The following ADGRL1 variants were observed in gnomAD, a reference collection of about 807,000 sequenced individuals.
ADGRL1 encodes CIRL-1.
A neutral mutation model predicts 148.9 loss-of-function variants in ADGRL1; 31 were observed. The ratio of observed to expected loss-of-function variants is 0.21; its 90% CI spans 0.16 to 0.28. The LOEUF (loss-of-function observed/expected upper bound fraction) is 0.28, where lower values mean the gene tolerates loss of function less well. Among genes scored for constraint, ADGRL1 ranks in the 10% least tolerant of loss-of-function variants. The pLI, the probability that ADGRL1 is intolerant of heterozygous loss-of-function variation, is 1.00. For synonymous variants in ADGRL1, 937 were observed against 900.3 expected (o/e 1.04, Z -0.73); for missense variants, 1,521 against 2,058.8 (o/e 0.74, Z 5.05).
intron 1 of ADGRL1, among the ~76,000 whole-genome samples, chr19:14,198,245 G>A: frequency 6.6e-6 from 1 of 152,212 alleles, no homozygotes; most frequent in Middle Eastern, 3.4e-3. Flanking sequence ...AGAGGTGGGA[G>A]CCATCGGGAA....
rs1252827613 is a variant in ADGRL1 at position 14,148,786 on chromosome 19, C to T, written c.*2087G>A. ...CTGTTCCCTTACACGGGACAAACCA[C>T]CATCTTTGGTCTGACCCCTTCTCCC... On this transcript the variant is annotated 3_prime_UTR_variant, in exon 23 of 23. Coordinates refer to ENST00000361434, the MANE Select transcript of ADGRL1 (RefSeq NM_014921.5). 1 of 152,720 alleles carries T rather than the reference C, an allele frequency of 6.5e-6. No homozygotes were observed. Among genetic ancestry groups the T allele is most frequent in the African/African-American group, 2.4e-5 (1 of 41,460 alleles). The allele number at this position is 152,720 out of a possible 1,614,324, so 9.5% of individuals were successfully genotyped here.
Position 14,155,970 on chromosome 19 carries a change from A to G in ADGRL1, c.3125+140T>C. ...GTAGGTACATAGTGAACACAATAGA[A>G]CACCCCTGTTGGTACTTAAAATTGC... On this transcript the variant is annotated intron_variant, in intron 17 of 22. Transcript: ENST00000361434. The surrounding 1 kb of genome is among the most constrained non-coding windows in gnomAD (Gnocchi z 5.0). 4 of 665,078 alleles carry G rather than the reference A, an allele frequency of 6.0e-6. No homozygotes were observed. The highest frequency in any genetic ancestry group is 1.1e-5 in the Non-Finnish European group (4 of 367,636). 41.2% of individuals were successfully genotyped at this position (665,078 alleles called of 1,614,324 possible). A position where few individuals can be genotyped will look rare whatever the true frequency, so the allele number is the denominator to read the frequency against.
chr19:14,163,090 G>A lies in ADGRL1; in HGVS notation c.711C>T (p.Ile237=). Residue 237 remains isoleucine, a synonymous_variant, in exon 5 of 23, where the codon ATC becomes ATT. Transcript: ENST00000361434. The part of the protein sequence containing the change: ...NIVKYDLRTR[I]KSGETVINTA... ...TATTGATGACCGTCTCCCCGCTCTT[G>A]ATGCGCGTCCGTAGGTCATACTTGA... 1 of 1,614,162 alleles carries A rather than the reference G, an allele frequency of 6.2e-7. No individual in the cohort carries two copies.
chr19:14,175,397 A>ACGTG (rs1334531344), intron 3 of ADGRL1, among the ~76,000 whole-genome samples: 1 of 146,854 alleles, frequency 6.8e-6, no homozygotes, highest in Non-Finnish European at 1.5e-5. Flanking sequence ...ACCCCCACAC[A>ACGTG]CGTGCACCCA....
At chr19:14,167,652 G>A (rs1156607738) in intron 4 of ADGRL1, among the ~76,000 whole-genome samples, 2 of 152,076 alleles carry the variant, frequency 1.3e-5, no homozygotes, top group Non-Finnish European at 2.9e-5. Flanking sequence ...TCACAACCCA[G>A]AAGAAGCAAA....
chr19:14,178,370 T>C (rs1175276610), intron 2 of ADGRL1, among the ~76,000 whole-genome samples: 3 of 151,992 alleles, frequency 2.0e-5, no homozygotes, highest in Non-Finnish European at 2.9e-5. Flanking sequence ...CCAGACGTGG[T>C]GGCACACACC....
chr19:14,177,298 A>C (rs1460841292), intron 3 of ADGRL1, among the ~76,000 whole-genome samples: 1 of 151,994 alleles, frequency 6.6e-6, no homozygotes, highest in Non-Finnish European at 1.5e-5. Flanking sequence ...TGGTGGGGGG[A>C]GGGACTTCCC....
At position 14,157,395 on chromosome 19, in the gene ADGRL1, C is replaced by G. The variant is rs199536204; in HGVS notation, c.2601G>C (p.Leu867=). 2.0e-5 allele frequency: 33 copies of G among 1,614,184 alleles called. No individual in the cohort carries two copies. The Admixed American group carries it at 5.2e-4, about 25-fold the overall frequency. The change falls in exon 14 of 23, where the codon CTG becomes CTC. Residue 867 remains leucine, a synonymous_variant. Coordinates refer to ENST00000361434, the MANE Select transcript of ADGRL1 (RefSeq NM_014921.5). The surrounding 1 kb of genome is among the most constrained non-coding windows in gnomAD (Gnocchi z 7.5). ...VITWVGIVIS[L]VCLAICISTF... Reference sequence around the variant, plus strand: ...TGGAGATGCAGATGGCCAAGCAGACCAGGGAGATCACAATGCCCACCCAGG... The same window carrying G: ...TGGAGATGCAGATGGCCAAGCAGACGAGGGAGATCACAATGCCCACCCAGG...
At chr19:14,175,451 G>C (rs1327434010) in intron 3 of ADGRL1, among the ~76,000 whole-genome samples, 1 of 139,868 alleles carries the variant, frequency 7.1e-6, no homozygotes, top group East Asian at 2.1e-4. Context: ...ACCTCAGTCA[G>C]CCACACCCGC....
chr19:14,159,658 C>G lies in ADGRL1; in HGVS notation c.1840-74G>C, dbSNP rs1251478912. On this transcript the variant is annotated intron_variant, in intron 9 of 22. Coordinates refer to ENST00000361434, the MANE Select transcript of ADGRL1 (RefSeq NM_014921.5). This position sits in a 1 kb window ranked among gnomAD's most constrained non-coding sequence, Gnocchi z 6.0. Reference sequence around the variant, plus strand: ...TTCCTGGGGGTGGGCTCTGCATGCCCTCTTCTCAACCTCCACCCCTAATCC... The same window carrying G: ...TTCCTGGGGGTGGGCTCTGCATGCCGTCTTCTCAACCTCCACCCCTAATCC... The G allele has an allele frequency of 6.3e-7, 1 of 1,599,992 alleles. No individual in the cohort carries two copies. Among genetic ancestry groups the G allele is most frequent in the East Asian group, 2.2e-5 (1 of 44,684 alleles).
At chr19:14,170,833 C>CG in intron 3 of ADGRL1, 42 bp from the exon 4 acceptor site, 1 of 427,380 alleles carries the variant, frequency 2.3e-6, no homozygotes, top group East Asian at 5.5e-5. Context: ...AACACATAGA[C>CG]GGGGTGGCGG....
At chr19:14,194,207 A>T (rs1424399933) in intron 1 of ADGRL1, among the ~76,000 whole-genome samples, 3 of 152,224 alleles carry the variant, frequency 2.0e-5, no homozygotes, top group African/African-American at 4.8e-5. Flanking sequence ...GCAAGACCTC[A>T]TCTCTGAAAC....
At chr19:14,201,208 G>A (rs1466432221) in intron 1 of ADGRL1, among the ~76,000 whole-genome samples, 1 of 151,882 alleles carries the variant, frequency 6.6e-6, no homozygotes, top group Non-Finnish European at 1.5e-5. Flanking sequence ...GGGATAAGAA[G>A]GAGAATCCAT....
chr19:14,200,634 A>C (rs1972539862), intron 1 of ADGRL1, among the ~76,000 whole-genome samples: 1 of 152,136 alleles, frequency 6.6e-6, no homozygotes, highest in African/African-American at 2.4e-5. Context: ...TTTTTTTGAG[A>C]CAGGGTCTTG....
intron 2 of ADGRL1, among the ~76,000 whole-genome samples, chr19:14,181,279 G>A (rs1971174358): frequency 6.6e-6 from 1 of 152,216 alleles, no homozygotes; most frequent in Non-Finnish European, 1.5e-5. Flanking sequence ...CATAGAGACT[G>A]GCTTTGCCGC....
intron 17 of ADGRL1, 27 bp downstream of exon 17, chr19:14,156,083 C>T (rs1235969253): frequency 1.3e-6 from 2 of 1,551,356 alleles, no homozygotes; most frequent in Non-Finnish European, 1.7e-6. Flanking sequence ...GGTGATGGGG[C>T]AGGGGGCAGG....
chr19:14,200,606 A>G (rs1972537819), intron 1 of ADGRL1, among the ~76,000 whole-genome samples: 1 of 152,102 alleles, frequency 6.6e-6, no homozygotes, highest in Non-Finnish European at 1.5e-5. Context: ...CCTCTACTCT[A>G]TTTTATTTAC....
Position 14,151,386 on chromosome 19 carries a change from T to C in ADGRL1, c.3897A>G (p.Pro1299=). The C allele has an allele frequency of 2.5e-6, 4 of 1,604,690 alleles. No homozygotes were observed. Among genetic ancestry groups the C allele is most frequent in the Non-Finnish European group, 2.5e-6 (3 of 1,176,512 alleles). Residue 1299 remains proline (P), a synonymous_variant, in exon 23 of 23, where the codon CCA becomes CCG. Transcript: ENST00000361434. ...RGSSSAAKGP[P]PPEPPVPPVP... ...CAGGTGGCACAGGGGGCTCAGGCGG[T>C]GGAGGGCCCTTGGCCGCGCTGCTGC...
chr19:14,156,568 G>GT (rs755206491), intron 16 of ADGRL1, 90 bp downstream of exon 16: 83,639 of 823,148 alleles, frequency 0.1, 3,442 homozygotes, highest in Admixed American at 0.2. Context: ...TGTGTGTGTG[G>GT]GGGGGGTGGG....
Sources: gnomAD v4.1 joint callset for allele counts (sites outside exome capture counted in the v4.1 genomes callset) on GRCh38, gnomAD v4.1.1 for gene constraint, Gnocchi (gnomAD v3.1) non-coding constraint, MANE v1.5 for transcripts, NCBI Gene and HGNC (gene_info 2026-07-23, HGNC 2026-07-21) for gene names.